Variants in ACOT1 observed in about 807,000 individuals in gnomAD.
The protein encoded by ACOT1 is acyl-coenzyme A thioesterase 1.
A neutral mutation model predicts 15.7 loss-of-function variants in ACOT1; 8 were observed. That is an observed-to-expected ratio of 0.51 (90% CI 0.30 to 0.92). The LOEUF is 0.92. Ranked by LOEUF, ACOT1 falls within the 40% of genes least tolerant of loss-of-function variation. The pLI is 0.06. For missense variants in ACOT1, 151 were observed against 539.4 expected, an observed-to-expected ratio of 0.28 and a Z score of 7.13; for synonymous variants, 67 against 241.2, an observed-to-expected ratio of 0.28 and a Z score of 6.69.
chr14:73,491,255 C>A, the ACOT1 span: 1 of 1,579,682 alleles, frequency 6.3e-7, no homozygotes, highest in Non-Finnish European at 8.6e-7. Flanking sequence ...GGACGCGCTA[C>A]CCGGTGGGGC....
the ACOT1 span, among the ~76,000 whole-genome samples, chr14:73,516,711 G>A: frequency 2.0e-5 from 3 of 152,182 alleles, no homozygotes; most frequent in African/African-American, 7.2e-5. Flanking sequence ...GATGTGAGTG[G>A]TGGGTGGGCA....
the ACOT1 span, chr14:73,509,452 G>A: frequency 1.3e-4 from 214 of 1,613,816 alleles, no homozygotes; most frequent in Middle Eastern, 3.3e-4. Context: ...TAGAACCTCC[G>A]GCAAGTCCTG....
At chr14:73,507,373 C>T in the ACOT1 span, among the ~76,000 whole-genome samples, 1 of 152,172 alleles carries the variant, frequency 6.6e-6, no homozygotes, top group East Asian at 1.9e-4. Flanking sequence ...CATGCTTATT[C>T]TACGTTTACT....
At chr14:73,502,392 A>G in the ACOT1 span, among the ~76,000 whole-genome samples, 1 of 152,080 alleles carries the variant, frequency 6.6e-6, no homozygotes, top group African/African-American at 2.4e-5. Context: ...ACCCTCCAGC[A>G]CCGAAACCAT....
the ACOT1 span, chr14:73,491,754 A>G: frequency 6.4e-7 from 1 of 1,560,970 alleles, no homozygotes; most frequent in African/African-American, 1.4e-5. Flanking sequence ...TCTACCGCTG[A>G]CCTGGATTCG....
chr14:73,525,654 C>A, the ACOT1 span, among the ~76,000 whole-genome samples: 1 of 152,114 alleles, frequency 6.6e-6, no homozygotes, highest in Admixed American at 6.6e-5. Flanking sequence ...ACTGTCCCCA[C>A]AAGGAAAGCA....
At chr14:73,519,723 TAAGAA>T in the ACOT1 span, among the ~76,000 whole-genome samples, 1 of 150,786 alleles carries the variant, frequency 6.6e-6, no homozygotes, top group African/African-American at 2.4e-5. Flanking sequence ...ATTTCAAAAA[TAAGAA>T]AAGAACCGGC....
chr14:73,537,951 G>T lies in ACOT1; in HGVS notation c.457+73G>T, dbSNP rs113886692. On this transcript the variant is annotated intron_variant, in intron 1 of 2. Coordinates refer to ENST00000311148, the MANE Select transcript of ACOT1 (RefSeq NM_001037161.2). ...CGCTTTCCACTGTGTGTGTGTGTGTGTCCCCTTCGCCCCGCCCCGCTCTTT... is the reference window on the plus strand; with the variant it reads ...CGCTTTCCACTGTGTGTGTGTGTGTTTCCCCTTCGCCCCGCCCCGCTCTTT... 3.2e-5 allele frequency: 33 copies of T among 1,030,064 alleles called. 8 individuals are homozygous for T. The African/African-American group carries it at 3.9e-4, about 12-fold the overall frequency. 63.8% of individuals were successfully genotyped at this position (1,030,064 alleles called of 1,614,324 possible). A position where few individuals can be genotyped will look rare whatever the true frequency, so the allele number is the denominator to read the frequency against.
upstream of ACOT1, among the ~76,000 whole-genome samples, chr14:73,534,491 G>A (rs1348113387): frequency 8.9e-6 from 1 of 112,970 alleles, no homozygotes; most frequent in Non-Finnish European, 1.9e-5. Context: ...CCAGGAGTTC[G>A]AGACCAGGCA....
chr14:73,537,046 T>A (rs141048605), upstream of ACOT1: 438 of 164,694 alleles, frequency 2.7e-3, 76 homozygotes, highest in African/African-American at 0.011. Flanking sequence ...TGCAGTGGCA[T>A]GATCTTGGCC....
At position 73,542,462 on chromosome 14, in the gene ACOT1, T is replaced by C. The variant is rs1247771396; in HGVS notation, c.661-588T>C. On this transcript the variant is annotated intron_variant, in intron 2 of 2. Transcript: ENST00000311148. ...CCGTGTCAACGAGGCTGGAGTGCAG[T>C]GGCATGATCTCGGCTTACTGCAACC... is the stretch of plus-strand genomic sequence containing the variant. 6.1e-5 allele frequency among the ~76,000 whole-genome samples: 6 copies of C among 99,008 alleles called. 2 individuals are homozygous for C. The highest frequency in any genetic ancestry group is 2.1e-4 in the African/African-American group (6 of 28,708). 65.0% of individuals were successfully genotyped at this position (99,008 alleles called of 152,430 possible).
upstream of ACOT1, among the ~76,000 whole-genome samples, chr14:73,532,962 T>A (rs71426976): frequency 0.37 from 39,770 of 107,656 alleles, 14,812 homozygotes; most frequent in Admixed American, 0.49. Flanking sequence ...CTCAAAAAAA[T>A]AAATAAATAA....
chr14:73,506,511 C>T, the ACOT1 span: 21 of 1,613,760 alleles, frequency 1.3e-5, no homozygotes, highest in Non-Finnish European at 1.7e-5. Context: ...TGGCAGGCCA[C>T]AATCCGGTTC....
the ACOT1 span, chr14:73,496,737 G>A: frequency 3.2e-4 from 306 of 951,098 alleles, 2 homozygotes; most frequent in Middle Eastern, 1.8e-3. Context: ...AAAAGTATGG[G>A]GGTAGAAAAT....
In ACOT1 at chr14:73,538,947, G is replaced by C. The variant is rs1415935862; in HGVS notation, c.457+1069G>C. Among the ~76,000 whole-genome samples, 2 of 115,182 alleles carry C rather than the reference G, an allele frequency of 1.7e-5. 1 individual carries two copies. The highest frequency in any genetic ancestry group is 5.4e-4 in the South Asian group (2 of 3,670). The allele number at this position is 115,182 out of a possible 152,430, so 75.6% of individuals were successfully genotyped here. On this transcript the variant is annotated intron_variant, in intron 1 of 2. Transcript: ENST00000311148. ...CACGCCATTGTACTCCAGCCTGGGG[G>C]ACAAGAGTGAAACTCCATCTAAAAC...
chr14:73,520,657 G>A, the ACOT1 span: 17 of 529,696 alleles, frequency 3.2e-5, no homozygotes, highest in Non-Finnish European at 5.0e-5. Context: ...GGGAGAGAGA[G>A]CAGTTCCCTC....
the ACOT1 span, among the ~76,000 whole-genome samples, chr14:73,500,216 C>T: frequency 2.6e-5 from 4 of 151,288 alleles, no homozygotes; most frequent in Non-Finnish European, 2.9e-5. Context: ...GGTCACAGAG[C>T]GAGACTCCGT....
chr14:73,524,844 C>T, the ACOT1 span, among the ~76,000 whole-genome samples: 26 of 152,018 alleles, frequency 1.7e-4, no homozygotes, highest in Non-Finnish European at 4.4e-5. Context: ...CTAGTGTCAA[C>T]TCCTGCCCGG....
the ACOT1 span, chr14:73,502,907 T>TGCACCTCTTTCCCGAGGC: frequency 5.0e-6 from 8 of 1,612,642 alleles, no homozygotes; most frequent in Admixed American, 6.7e-5. Flanking sequence ...GATTATGTCG[T>TGCACCTCTTTCCCGAGGC]GCACCTCTTT....
Sources: allele counts gnomAD v4.1 joint callset (sites outside exome capture counted in the v4.1 genomes callset), GRCh38; gene constraint gnomAD v4.1.1; transcripts MANE v1.5; gene names NCBI Gene and HGNC (gene_info 2026-07-23, HGNC 2026-07-21).